Variants in NALF1 observed in about 807,000 individuals in gnomAD.
The protein encoded by NALF1 is NALCN channel auxiliary factor 1.
NALF1 carries 3 observed loss-of-function variants against 48.4 expected under a neutral mutation model. The observed-to-expected ratio is 0.06, with a 90% CI of 0.03 to 0.16. The LOEUF (loss-of-function observed/expected upper bound fraction) is 0.16, where lower values mean the gene tolerates loss of function less well. Ranked by LOEUF, NALF1 falls within the 10% of genes least tolerant of loss-of-function variation. The probability of loss-of-function intolerance (pLI) is 1.00; values close to 1 mark genes in which losing one functional copy is unlikely to be tolerated. For synonymous variants in NALF1, 262 were observed against 245.7 expected, an observed-to-expected ratio of 1.07 and a Z score of -0.62; for missense variants, 526 against 571.5, an observed-to-expected ratio of 0.92 and a Z score of 0.81.
chr13:107,297,134 C>A (rs184564950), intron 1 of NALF1, among the ~76,000 whole-genome samples: 1 of 152,200 alleles, frequency 6.6e-6, no homozygotes, highest in African/African-American at 2.4e-5. Flanking sequence ...TAATGGGCTT[C>A]TCCTCCACAA....
intron 1 of NALF1, among the ~76,000 whole-genome samples, chr13:107,450,375 G>C (rs995546569): frequency 6.6e-6 from 1 of 152,154 alleles, no homozygotes; most frequent in Admixed American, 6.5e-5. Context: ...GGCCAGCATG[G>C]GAGGGAGTGG....
chr13:107,442,946 A>G (rs774958605), intron 1 of NALF1, among the ~76,000 whole-genome samples: 1 of 152,186 alleles, frequency 6.6e-6, no homozygotes, highest in African/African-American at 2.4e-5. Context: ...AGGGCATAGA[A>G]CAACAGTTTA....
intron 1 of NALF1, among the ~76,000 whole-genome samples, chr13:107,310,409 CA>C (rs397955378): frequency 0.14 from 11,290 of 79,976 alleles, 714 homozygotes; most frequent in African/African-American, 0.3. Context: ...GATTCCATCT[CA>C]AAAAAAAAAA....
intron 1 of NALF1, among the ~76,000 whole-genome samples, chr13:107,569,365 G>A (rs908211117): frequency 6.6e-6 from 1 of 152,092 alleles, no homozygotes; most frequent in Non-Finnish European, 1.5e-5. Context: ...CCAGCTACTC[G>A]GGACGCTGAG....
chr13:107,364,426 G>T (rs1356962446), intron 1 of NALF1, among the ~76,000 whole-genome samples: 12 of 152,218 alleles, frequency 7.9e-5, no homozygotes, highest in South Asian at 2.1e-4. Context: ...TATTAAAGGG[G>T]TGAAAACACT....
In NALF1 at chr13:107,391,765, G is replaced by A. The variant is rs114065507; in HGVS notation, c.916-181010C>T. Among the ~76,000 whole-genome samples the A allele has an allele frequency of 3.3e-3, 507 of 152,106 alleles. 7 individuals carry two copies. The highest frequency in any genetic ancestry group is 0.012 in the African/African-American group (485 of 41,508). ...GCCTGGAAGCACCCGCCCTGCCCCCGCTTTGAGTTGTCCACCTTTCTGAAT... is the reference window on the plus strand; with the variant it reads ...GCCTGGAAGCACCCGCCCTGCCCCCACTTTGAGTTGTCCACCTTTCTGAAT... On this transcript the variant is annotated intron_variant, in intron 1 of 2. Transcript: ENST00000375915.
At chr13:107,862,646 G>C (rs1178778568) in intron 1 of NALF1, among the ~76,000 whole-genome samples, 3 of 151,762 alleles carry the variant, frequency 2.0e-5, no homozygotes, top group Non-Finnish European at 4.4e-5. Flanking sequence ...TTTTTTCTAT[G>C]ATACATTGCA....
chr13:107,323,199 T>C (rs1449331972), intron 1 of NALF1, among the ~76,000 whole-genome samples: 1 of 152,142 alleles, frequency 6.6e-6, no homozygotes, highest in Non-Finnish European at 1.5e-5. Flanking sequence ...AAATTGCAAA[T>C]GCTTCCGTGC....
intron 1 of NALF1, among the ~76,000 whole-genome samples, chr13:107,416,609 A>T (rs1181724903): frequency 4.0e-5 from 6 of 151,778 alleles, no homozygotes; most frequent in Non-Finnish European, 8.8e-5. Flanking sequence ...TAATACATAC[A>T]ACACACAAAA....
At chr13:107,762,934 T>G (rs1479286081) in intron 1 of NALF1, among the ~76,000 whole-genome samples, 1 of 152,160 alleles carries the variant, frequency 6.6e-6, no homozygotes, top group Admixed American at 6.5e-5. Context: ...TAGAAGCTTT[T>G]TAGAGAAGGA....
chr13:107,607,989 A>G (rs574718047), intron 1 of NALF1, among the ~76,000 whole-genome samples: 7 of 152,324 alleles, frequency 4.6e-5, no homozygotes, highest in South Asian at 2.1e-4. Flanking sequence ...AAGCACCTCT[A>G]TGTGAAACTC....
chr13:107,866,036 C>T lies in NALF1; in HGVS notation c.561G>A (p.Ala187=), dbSNP rs773937694. The T allele has an allele frequency of 6.2e-7, 1 of 1,612,298 alleles. No individual in the cohort carries two copies. The highest frequency in any genetic ancestry group is 8.5e-7 in the Non-Finnish European group (1 of 1,179,904). Residue 187 remains alanine (A), a synonymous_variant, in exon 1 of 3, where the codon GCG becomes GCA. Coordinates refer to ENST00000375915, the MANE Select transcript of NALF1 (RefSeq NM_001080396.3). The surrounding 1 kb of genome is among the most constrained non-coding windows in gnomAD (Gnocchi z 4.4). ...TCCAGTTCCTGGCGCACACCGCGTC[C>T]GCATTCTCCACCGTGAAGCACTGGC... ...SSGQCFTVEN[A]DAVCARNWSR...
In NALF1 at chr13:107,542,099, A is replaced by C. The variant is rs1877014815; in HGVS notation, c.915+323583T>G. Among the ~76,000 whole-genome samples the C allele has an allele frequency of 2.0e-5, 3 of 152,138 alleles. No individual in the cohort carries two copies. The South Asian group carries it at 6.2e-4, about 31-fold the overall frequency. ...CACCCAAATGCCTATCAAAGGATGA[A>C]TGGAAAACCAAAATGTAGTTTATCT... On this transcript the variant is annotated intron_variant, in intron 1 of 2. Transcript: ENST00000375915.
chr13:107,726,913 T>TTCTCTG (rs765487919), intron 1 of NALF1, among the ~76,000 whole-genome samples: 2 of 126,400 alleles, frequency 1.6e-5, no homozygotes, highest in Non-Finnish European at 3.3e-5. Context: ...CGGCAAATTC[T>TTCTCTG]TGTGTGTGTG....
chr13:107,802,664 GT>G (rs988401064), intron 1 of NALF1, among the ~76,000 whole-genome samples: 1 of 151,366 alleles, frequency 6.6e-6, no homozygotes, highest in East Asian at 1.9e-4. Context: ...CAAGAGCCAT[GT>G]TTTTTTATAT....
intron 2 of NALF1, among the ~76,000 whole-genome samples, chr13:107,199,144 G>T (rs1879456520): frequency 1.3e-5 from 2 of 151,876 alleles, no homozygotes; most frequent in South Asian, 4.2e-4. Flanking sequence ...CTTTTAGGGT[G>T]GGTCCTAGTT....
At chr13:107,458,366 C>T (rs1884858834) in intron 1 of NALF1, among the ~76,000 whole-genome samples, 2 of 152,180 alleles carry the variant, frequency 1.3e-5, no homozygotes, top group African/African-American at 4.8e-5. Context: ...CTAAAAATAG[C>T]AGTGAGAACA....
intron 1 of NALF1, among the ~76,000 whole-genome samples, chr13:107,816,772 A>T (rs1265846255): frequency 6.6e-6 from 1 of 152,176 alleles, no homozygotes; most frequent in Non-Finnish European, 1.5e-5. Context: ...TTAAACGTAC[A>T]ACAGAATTAT....
chr13:107,605,396 C>T (rs759149197), intron 1 of NALF1, among the ~76,000 whole-genome samples: 7 of 152,152 alleles, frequency 4.6e-5, no homozygotes, highest in Admixed American at 2.0e-4. Context: ...GAGACATTCT[C>T]CTTCCTTCCG....
Sources: gnomAD v4.1 joint callset for allele counts (sites outside exome capture counted in the v4.1 genomes callset) on GRCh38, gnomAD v4.1.1 for gene constraint, Gnocchi (gnomAD v3.1) non-coding constraint, MANE v1.5 for transcripts, NCBI Gene and HGNC (gene_info 2026-07-23, HGNC 2026-07-21) for gene names.